Variants in PEX14 observed in about 807,000 individuals in gnomAD.
The protein encoded by PEX14 is peroxisomal membrane protein PEX14.
Under a neutral mutation model 49.5 loss-of-function variants are expected in PEX14, and 15 were observed. The ratio of observed to expected loss-of-function variants is 0.30; its 90% CI spans 0.20 to 0.47. PEX14 has a LOEUF of 0.47. Among genes scored for constraint, PEX14 ranks in the 20% least tolerant of loss-of-function variants. The pLI, the probability that PEX14 is intolerant of heterozygous loss-of-function variation, is 1.00. For synonymous variants in PEX14, 210 were observed against 212.7 expected (o/e 0.99, Z 0.11); for missense variants, 398 against 494.8 (o/e 0.80, Z 1.86).
intron 3 of PEX14, among the ~76,000 whole-genome samples, chr1:10,540,635 A>G (rs1638974693): frequency 6.6e-6 from 1 of 152,224 alleles, no homozygotes; most frequent in African/African-American, 2.4e-5. Flanking sequence ...TGTTTCTAAA[A>G]TTAATTTTCT....
intron 4 of PEX14, among the ~76,000 whole-genome samples, chr1:10,617,389 C>T (rs1641456461): frequency 6.6e-6 from 1 of 152,156 alleles, no homozygotes; most frequent in South Asian, 2.1e-4. Context: ...TGATTCACAT[C>T]CCCCAGTAAT....
intron 3 of PEX14, among the ~76,000 whole-genome samples, chr1:10,567,382 TTTA>T (rs1433283350): frequency 6.6e-6 from 1 of 152,252 alleles, no homozygotes; most frequent in Non-Finnish European, 1.5e-5. Context: ...TCTTACATGT[TTTA>T]TTATCTGTTA....
In PEX14 at chr1:10,539,785, G is replaced by A. The variant is rs2506894; in HGVS notation, c.169+3488G>A. Reference sequence around the variant, plus strand: ...ATCCAGCCACAAAATGTAGGAGGCAGTCTGCTTCCAAAGATGTTTGGCAGG... The same window carrying A: ...ATCCAGCCACAAAATGTAGGAGGCAATCTGCTTCCAAAGATGTTTGGCAGG... On this transcript the variant is annotated intron_variant, in intron 3 of 8. Transcript: ENST00000356607. This position sits in a 1 kb window ranked among gnomAD's most constrained non-coding sequence, Gnocchi z 4.6. Among the ~76,000 whole-genome samples the A allele has an allele frequency of 0.96, 145,917 of 151,282 alleles. 70,583 individuals carry two copies. The highest frequency in any genetic ancestry group is 1 in the East Asian group (5,098 of 5,098).
rs923076028 is a variant in PEX14 at position 10,584,927 on chromosome 1, C to A, written c.170-14311C>A. Among the ~76,000 whole-genome samples the A allele has an allele frequency of 3.3e-5, 5 of 152,250 alleles. No homozygotes were observed. The South Asian group carries it at 6.2e-4, about 19-fold the overall frequency. On this transcript the variant is annotated intron_variant, in intron 3 of 8. Transcript: ENST00000356607. Reference sequence around the variant, plus strand: ...AGAATGTCTTTCTTGTGGATTTTAACATACATTATAATTGAAATGCATGCC... The same window carrying A: ...AGAATGTCTTTCTTGTGGATTTTAAAATACATTATAATTGAAATGCATGCC...
intron 1 of PEX14, 79 bp downstream of exon 1, chr1:10,475,081 G>A (rs1182769780): frequency 7.2e-6 from 10 of 1,395,204 alleles, no homozygotes; most frequent in Non-Finnish European, 1.0e-5. Flanking sequence ...TGGGAGCCGG[G>A]TAGGGACCCC....
Position 10,514,156 on chromosome 1 carries a change from C to CTGTGTGTGTGTGTGTG in PEX14, c.84+18863_84+18878dup, listed in dbSNP as rs56306413. Among the ~76,000 whole-genome samples, 5 of 143,176 alleles carry CTGTGTGTGTGTGTGTG rather than the reference C, an allele frequency of 3.5e-5. No individual in the cohort carries two copies. Among genetic ancestry groups the CTGTGTGTGTGTGTGTG allele is most frequent in the African/African-American group, 5.1e-5 (2 of 39,328 alleles). The allele number at this position is 143,176 out of a possible 152,430, so 93.9% of individuals were successfully genotyped here. A position where few individuals can be genotyped will look rare whatever the true frequency, so the allele number is the denominator to read the frequency against. ...AAAATGTATAAAATAATCTATGCCT[C>CTGTGTGTGTGTGTGTG]TGTGTGTGTGTGTGTGTGTGTGTGT... On this transcript the variant is annotated intron_variant, in intron 2 of 8. Coordinates refer to ENST00000356607, the MANE Select transcript of PEX14 (RefSeq NM_004565.3). This position sits in a 1 kb window ranked among gnomAD's most constrained non-coding sequence, Gnocchi z 4.4.
At position 10,475,082 on chromosome 1, in the gene PEX14, T is replaced by C; in HGVS notation, c.36+80T>C. On this transcript the variant is annotated intron_variant, in intron 1 of 8. Coordinates refer to ENST00000356607, the MANE Select transcript of PEX14 (RefSeq NM_004565.3). ...GCTCAGCATACGGCTGGGAGCCGGG[T>C]AGGGACCCCGAGTCTCCGAAGCTGG... 3 of 1,385,560 alleles carry C rather than the reference T, an allele frequency of 2.2e-6. No homozygotes were observed. In the African/African-American group the frequency reaches 4.3e-5, roughly 20 times the overall value. The allele number at this position is 1,385,560 out of a possible 1,614,324, so 85.8% of individuals were successfully genotyped here.
intron 4 of PEX14, among the ~76,000 whole-genome samples, chr1:10,616,058 T>C (rs1218303935): frequency 1.3e-5 from 2 of 152,128 alleles, no homozygotes; most frequent in Non-Finnish European, 2.9e-5. Context: ...ATTCCAGGGC[T>C]AGGACACACC....
intron 3 of PEX14, among the ~76,000 whole-genome samples, chr1:10,553,733 A>G (rs1399553065): frequency 1.3e-5 from 2 of 152,274 alleles, no homozygotes; most frequent in African/African-American, 4.8e-5. Context: ...CAGCTTCCAG[A>G]AAGCTCCTCT....
In PEX14 at chr1:10,623,139, C is replaced by T; in HGVS notation, c.487+18C>T. On this transcript the variant is annotated intron_variant, in intron 6 of 8. Coordinates refer to ENST00000356607, the MANE Select transcript of PEX14 (RefSeq NM_004565.3). This position sits in a 1 kb window ranked among gnomAD's most constrained non-coding sequence, Gnocchi z 4.4. ...CCAGACAGGTAAAGATTAATGACTC[C>T]ATCAAGTCACCCCTCACAGCCTTCT... is the stretch of plus-strand genomic sequence containing the variant. 6.5e-7 allele frequency: 1 copy of T among 1,544,574 alleles called. No individual in the cohort carries two copies. The highest frequency in any genetic ancestry group is 1.1e-5 in the South Asian group (1 of 88,660).
At chr1:10,575,978 T>G (rs1201590713) in intron 3 of PEX14, among the ~76,000 whole-genome samples, 1 of 152,236 alleles carries the variant, frequency 6.6e-6, no homozygotes, top group Non-Finnish European at 1.5e-5. Flanking sequence ...CATATTGTTT[T>G]CATTTGCATC....
intron 1 of PEX14, among the ~76,000 whole-genome samples, chr1:10,493,874 T>C (rs552918011): frequency 4.5e-4 from 69 of 152,194 alleles, no homozygotes; most frequent in African/African-American, 1.3e-3. Context: ...GAAGAAGACA[T>C]ATGTGTCAGA....
Position 10,626,512 on chromosome 1 carries a change from C to T in PEX14, c.586-760C>T, listed in dbSNP as rs149267333. The stretch of plus-strand genomic sequence containing the variant: ...GCTGGGGTGAGCCCACAGCAGCCCC[C>T]GACCCCACGTCAGAGGCCAGGCCTC... On this transcript the variant is annotated intron_variant, in intron 7 of 8. Coordinates refer to ENST00000356607, the MANE Select transcript of PEX14 (RefSeq NM_004565.3). Among the ~76,000 whole-genome samples, 881 of 152,338 alleles carry T rather than the reference C, an allele frequency of 5.8e-3. 12 individuals are homozygous for T. Among genetic ancestry groups the T allele is most frequent in the African/African-American group, 0.02 (848 of 41,568 alleles).
At chr1:10,485,988 C>T (rs59373135) in intron 1 of PEX14, among the ~76,000 whole-genome samples, 9,144 of 151,832 alleles carry the variant, frequency 0.06, 953 homozygotes, top group African/African-American at 0.21. Context: ...GAACTCCTGA[C>T]CTCAGGTGAT....
intron 1 of PEX14, among the ~76,000 whole-genome samples, chr1:10,482,971 G>A (rs1570129852): frequency 1.3e-5 from 2 of 152,230 alleles, no homozygotes; most frequent in South Asian, 2.1e-4. Context: ...ATTTAGATCC[G>A]GGTTAAACAT....
At position 10,512,094 on chromosome 1, in the gene PEX14, G is replaced by A. The variant is rs931835001; in HGVS notation, c.84+16773G>A. Among the ~76,000 whole-genome samples the A allele has an allele frequency of 1.3e-5, 2 of 152,108 alleles. No individual in the cohort carries two copies. Among genetic ancestry groups the A allele is most frequent in the Admixed American group, 6.6e-5 (1 of 15,260 alleles). On this transcript the variant is annotated intron_variant, in intron 2 of 8. Coordinates refer to ENST00000356607, the MANE Select transcript of PEX14 (RefSeq NM_004565.3). The surrounding 1 kb of genome is among the most constrained non-coding windows in gnomAD (Gnocchi z 4.6). Reference sequence around the variant, plus strand: ...CCTGCCTCAGCTTCCCGAATAACTGGGACTACAGGCGCCTGCCCCCACGCT... The same window carrying A: ...CCTGCCTCAGCTTCCCGAATAACTGAGACTACAGGCGCCTGCCCCCACGCT...
rs896808620 is a variant in PEX14 at position 10,588,113 on chromosome 1, C to T, written c.170-11125C>T. ...GGTGGTGCCTGTAATCCCAGCTACT[C>T]GGGAGGCTGAGGTAGAGAATTGCTT... On this transcript the variant is annotated intron_variant, in intron 3 of 8. Coordinates refer to ENST00000356607, the MANE Select transcript of PEX14 (RefSeq NM_004565.3). 5.9e-5 allele frequency among the ~76,000 whole-genome samples: 9 copies of T among 151,686 alleles called. No homozygotes were observed. The South Asian group carries it at 1.9e-3, about 32-fold the overall frequency.
intron 3 of PEX14, among the ~76,000 whole-genome samples, chr1:10,574,687 C>A (rs1640071377): frequency 6.6e-6 from 1 of 152,020 alleles, no homozygotes. Flanking sequence ...GAACAGATCC[C>A]AAACTCAGTG....
rs573113329 is a variant in PEX14 at position 10,536,247 on chromosome 1, G to T, written c.119G>T (p.Arg40Leu). ...GCAGTGAAGTTTCTACAGAATTCCCGGGTCCGCCAGAGCCCACTTGCAACC... is the reference window on the plus strand; with the variant it reads ...GCAGTGAAGTTTCTACAGAATTCCCTGGTCCGCCAGAGCCCACTTGCAACC... ...ATAVKFLQNS[R>L]VRQSPLATRR... The change falls in exon 3 of 9, where the codon CGG becomes CTG. Residue 40 changes from arginine to leucine, a missense_variant. Arg to Leu is a moderately radical substitution (Grantham distance 102, BLOSUM62 -2). Transcript: ENST00000356607. The T allele has an allele frequency of 6.2e-7, 1 of 1,612,242 alleles. No homozygotes were observed. The highest frequency in any genetic ancestry group is 8.5e-7 in the Non-Finnish European group (1 of 1,178,634).
Sources: gnomAD v4.1 joint callset for allele counts (sites outside exome capture counted in the v4.1 genomes callset) on GRCh38, gnomAD v4.1.1 for gene constraint, Gnocchi (gnomAD v3.1) non-coding constraint, MANE v1.5 for transcripts, NCBI Gene and HGNC (gene_info 2026-07-23, HGNC 2026-07-21) for gene names.